CDH20: variants seen among roughly 807,000 people sequenced by gnomAD.
CDH20 encodes cadherin 20.
Under a neutral mutation model 74.2 loss-of-function variants are expected in CDH20, and 29 were observed. That is an observed-to-expected ratio of 0.39 (90% CI 0.29 to 0.53). The LOEUF is 0.53. Ranked by LOEUF, CDH20 falls within the 20% of genes least tolerant of loss-of-function variation. The pLI is 0.69. For missense variants in CDH20, 988 were observed against 1,048.3 expected, an observed-to-expected ratio of 0.94 and a Z score of 0.79; for synonymous variants, 469 against 405.4, an observed-to-expected ratio of 1.16 and a Z score of -1.88.
intron 1 of CDH20, among the ~76,000 whole-genome samples, chr18:61,375,666 C>T (rs1378348497): frequency 2.0e-5 from 3 of 152,116 alleles, no homozygotes; most frequent in Non-Finnish European, 4.4e-5. Flanking sequence ...CCTTTAAAGA[C>T]CAACTCAAGT....
chr18:61,505,316 T>C (rs1911523183), intron 5 of CDH20, among the ~76,000 whole-genome samples: 1 of 150,594 alleles, frequency 6.6e-6, no homozygotes, highest in Non-Finnish European at 1.5e-5. Flanking sequence ...GGTTTTAGTC[T>C]TGCCTCCGAA....
At chr18:61,488,336 TG>T (rs1910839864) in intron 1 of CDH20, among the ~76,000 whole-genome samples, 2 of 152,180 alleles carry the variant, frequency 1.3e-5, no homozygotes, top group South Asian at 2.1e-4. Flanking sequence ...TTCAGAATTC[TG>T]GCCCCAAAGG....
intron 4 of CDH20, among the ~76,000 whole-genome samples, chr18:61,502,187 A>T (rs919945483): frequency 6.6e-6 from 1 of 152,154 alleles, no homozygotes; most frequent in Admixed American, 6.5e-5. Flanking sequence ...TAAAAGGGAG[A>T]CAAAACATTA....
chr18:61,454,743 T>C (rs1909514835), intron 1 of CDH20, among the ~76,000 whole-genome samples: 1 of 152,252 alleles, frequency 6.6e-6, no homozygotes, highest in Non-Finnish European at 1.5e-5. Flanking sequence ...TATATATAGT[T>C]CAAGTAGACA....
intron 1 of CDH20, among the ~76,000 whole-genome samples, chr18:61,339,616 T>C (rs970311345): frequency 1.3e-5 from 2 of 151,758 alleles, no homozygotes; most frequent in Admixed American, 1.3e-4. Context: ...TATCAACTAA[T>C]TAAAGGGTAA....
At position 61,554,241 on chromosome 18, in the gene CDH20, T is replaced by A. The variant is rs1481419752; in HGVS notation, c.1952T>A (p.Ile651Asn). ...SMRRHRKQPY[I>N]IDDEENIHEN... ...AGGCGGCACCGGAAACAACCATACATCATCGACGACGAGGAAAACATCCAC... is the reference window on the plus strand; with the variant it reads ...AGGCGGCACCGGAAACAACCATACAACATCGACGACGAGGAAAACATCCAC... Residue 651 changes from isoleucine (I) to asparagine (N), a missense_variant, in exon 12 of 12, where the codon ATC (isoleucine) becomes AAC (asparagine). Coordinates refer to ENST00000262717, the MANE Select transcript of CDH20 (RefSeq NM_031891.4). 1 of 1,613,916 alleles carries A rather than the reference T, an allele frequency of 6.2e-7. No homozygotes were observed. The highest frequency in any genetic ancestry group is 1.3e-5 in the African/African-American group (1 of 75,032).
At chr18:61,405,084 C>T in intron 1 of CDH20, 1 of 664,696 alleles carries the variant, frequency 1.5e-6, no homozygotes, top group Admixed American at 1.8e-5. Context: ...TTTTGCTTTG[C>T]CTTGTCTGAT....
chr18:61,432,058 A>G (rs1421481062), intron 1 of CDH20, among the ~76,000 whole-genome samples: 1 of 152,010 alleles, frequency 6.6e-6, no homozygotes, highest in Non-Finnish European at 1.5e-5. Flanking sequence ...CAGCCTGGCC[A>G]ACATGGTGAA....
chr18:61,383,227 T>C (rs1266917915), intron 1 of CDH20, among the ~76,000 whole-genome samples: 1 of 152,148 alleles, frequency 6.6e-6, no homozygotes, highest in African/African-American at 2.4e-5. Flanking sequence ...TCAATTATGT[T>C]CTGTATCTTC....
At chr18:61,394,422 A>T (rs1259153905) in intron 1 of CDH20, among the ~76,000 whole-genome samples, 1 of 152,144 alleles carries the variant, frequency 6.6e-6, no homozygotes, top group Non-Finnish European at 1.5e-5. Flanking sequence ...AAAATGGGAA[A>T]CTTGTGCACA....
intron 1 of CDH20, among the ~76,000 whole-genome samples, chr18:61,414,715 T>A (rs1260483115): frequency 6.6e-6 from 1 of 152,034 alleles, no homozygotes; most frequent in East Asian, 1.9e-4. Flanking sequence ...GAAACCAATT[T>A]AAGTTTTAAT....
intron 1 of CDH20, among the ~76,000 whole-genome samples, chr18:61,419,843 C>T (rs983335201): frequency 4.6e-5 from 7 of 152,132 alleles, no homozygotes; most frequent in African/African-American, 1.7e-4. Context: ...CAAAATAGAA[C>T]TATTACCTAC....
rs1555669183 is a variant in CDH20, at chr18:61,339,701, T to TTC, written c.-153+5875_-153+5876insCT. Among the ~76,000 whole-genome samples, 128 of 122,938 alleles carry TTC rather than the reference T, an allele frequency of 1.0e-3. 1 individual carries two copies. The highest frequency in any genetic ancestry group is 3.5e-3 in the African/African-American group (117 of 33,754). The allele number at this position is 122,938 out of a possible 152,430, so 80.7% of individuals were successfully genotyped here. ...TAGAAATTTTTTTTTTTTTTTTTTT[T>TTC]TTTTGAGATGGAGTCTCGCTCTGTC... On this transcript the variant is annotated intron_variant, in intron 1 of 11. Transcript: ENST00000262717.
intron 1 of CDH20, among the ~76,000 whole-genome samples, chr18:61,356,213 C>T (rs1024627664): frequency 3.3e-5 from 5 of 152,198 alleles, no homozygotes; most frequent in Non-Finnish European, 7.3e-5. Flanking sequence ...CTGCAATAAA[C>T]TCTTTTCAGA....
intron 1 of CDH20, among the ~76,000 whole-genome samples, chr18:61,375,489 G>A (rs1040471631): frequency 3.9e-5 from 6 of 152,042 alleles, no homozygotes; most frequent in East Asian, 1.9e-4. Flanking sequence ...ACAATCCTTC[G>A]TGCTACTTCG....
At chr18:61,495,649 T>C (rs1407837106) in intron 2 of CDH20, among the ~76,000 whole-genome samples, 1 of 152,112 alleles carries the variant, frequency 6.6e-6, no homozygotes, top group African/African-American at 2.4e-5. Flanking sequence ...TCCTCAGGGG[T>C]CTCAGGCCCA....
intron 8 of CDH20, 74 bp downstream of exon 8, chr18:61,536,703 C>A (rs747117209): frequency 9.8e-6 from 13 of 1,320,974 alleles, no homozygotes; most frequent in Non-Finnish European, 1.3e-5. Flanking sequence ...GTTTCTAGAA[C>A]TTGTTGTAAC....
chr18:61,503,265 G>C, intron 5 of CDH20, 145 bp downstream of exon 5: 1 of 573,886 alleles, frequency 1.7e-6, no homozygotes, highest in Non-Finnish European at 2.9e-6. Flanking sequence ...TGCAATTCTC[G>C]CATAACTATT....
chr18:61,504,597 A>G (rs1911494483), intron 5 of CDH20, among the ~76,000 whole-genome samples: 1 of 152,136 alleles, frequency 6.6e-6, no homozygotes, highest in African/African-American at 2.4e-5. Flanking sequence ...CCAGGAATGA[A>G]GACGTAAGTT....
Sources: gnomAD v4.1 joint callset for allele counts (sites outside exome capture counted in the v4.1 genomes callset) on GRCh38, gnomAD v4.1.1 for gene constraint, MANE v1.5 for transcripts, NCBI Gene and HGNC (gene_info 2026-07-23, HGNC 2026-07-21) for gene names.